FHOD1: variants seen among roughly 807,000 people sequenced by gnomAD.
The protein encoded by FHOD1 is formin homology 2 domain containing 1.
In FHOD1, 89 loss-of-function variants were observed where a neutral mutation model predicts 111.6. The observed-to-expected ratio is 0.80, with a 90% CI of 0.67 to 0.95. The LOEUF is 0.95. Among genes scored for constraint, FHOD1 ranks in the 40% least tolerant of loss-of-function variants. The pLI, the probability that FHOD1 is intolerant of heterozygous loss-of-function variation, is 0.00. For missense variants in FHOD1, 1,446 were observed against 1,554.2 expected (o/e 0.93, Z 1.17); for synonymous variants, 618 against 639.0 (o/e 0.97, Z 0.50).
At chr16:67,233,217 G>A (rs527894079) in intron 13 of FHOD1, among the ~76,000 whole-genome samples, 3 of 152,142 alleles carry the variant, frequency 2.0e-5, no homozygotes, top group African/African-American at 7.2e-5. Context: ...CTCCCGAGTA[G>A]CTGGGATTAC....
At position 67,231,382 on chromosome 16, in the gene FHOD1, T is replaced by A. The variant is rs1189162066; in HGVS notation, c.2506-33A>T. On this transcript the variant is annotated intron_variant, in intron 16 of 21. Coordinates refer to ENST00000258201, the MANE Select transcript of FHOD1 (RefSeq NM_013241.3). The surrounding 1 kb of genome is among the most constrained non-coding windows in gnomAD (Gnocchi z 4.3). The stretch of plus-strand genomic sequence containing the variant: ...GACCCTTTCTGAGCCTGGGCCTGGT[T>A]GGCTCCAGAACCCTGACTCCCCCTA... The A allele has an allele frequency of 1.9e-6, 3 of 1,613,916 alleles. No homozygotes were observed. The highest frequency in any genetic ancestry group is 2.5e-6 in the Non-Finnish European group (3 of 1,179,978).
chr16:67,245,415 G>A (rs1429529872), intron 1 of FHOD1, among the ~76,000 whole-genome samples: 1 of 152,158 alleles, frequency 6.6e-6, no homozygotes, highest in Non-Finnish European at 1.5e-5. Flanking sequence ...CCTCTTTCTT[G>A]CAGCTGACTT....
rs751687594 is a variant in FHOD1, at chr16:67,234,136, T to C, written c.1567A>G (p.Ser523Gly). The C allele has an allele frequency of 6.4e-7, 1 of 1,570,302 alleles. No homozygotes were observed. The highest frequency in any genetic ancestry group is 1.2e-5 in the South Asian group (1 of 84,240). Residue 523 changes from serine (S) to glycine (G), a missense_variant, in exon 13 of 22, where the codon AGC (serine) becomes GGC (glycine). Ser to Gly is a moderately conservative substitution (Grantham distance 56). Around this residue, in one of 3 missense-constraint regions of FHOD1, gnomAD observed 1,085 missense variants for 1,108.8 expected, o/e 0.98. Transcript: ENST00000258201. Reference sequence around the variant, plus strand: ...TCCCAGATGGGCTCAGCCTTGGGGCTTGCTGGTATCAGTGGCTCCTTGGGC... The same window carrying C: ...TCCCAGATGGGCTCAGCCTTGGGGCCTGCTGGTATCAGTGGCTCCTTGGGC... ...PEPKEPLIPA[S>G]PKAEPIWELP...
chr16:67,235,891 C>T (rs745501422), intron 11 of FHOD1: 22 of 246,428 alleles, frequency 8.9e-5, no homozygotes, highest in Non-Finnish European at 1.1e-4. Flanking sequence ...AGGCATATGT[C>T]TGGGAGAGGA....
Position 67,229,985 on chromosome 16 carries a change from C to A in FHOD1, c.3220G>T (p.Val1074Phe), listed in dbSNP as rs777000933. The change falls in exon 21 of 22, where the codon GTC becomes TTC. Residue 1074 changes from valine (V) to phenylalanine (F), a missense_variant. By Grantham distance (50) the Val-to-Phe change is conservative. Transcript: ENST00000258201. ...TTHNRRSRGM[V>F]QSSSPIMPTV... ...GGCATGATTGGGGAGCTGCTCTGGA[C>A]CATGCCTGAGGAAGGCCAGATAGCA... The A allele has an allele frequency of 3.1e-6, 5 of 1,613,818 alleles. No individual in the cohort carries two copies. In the African/African-American group the frequency reaches 6.7e-5, roughly 22 times the overall value.
At chr16:67,236,283 G>A in intron 11 of FHOD1, 1 of 970,118 alleles carries the variant, frequency 1.0e-6, no homozygotes, top group Non-Finnish European at 1.4e-6. Flanking sequence ...CAGAACAAGG[G>A]AGTGACAGAT....
Position 67,231,379 on chromosome 16 carries a change from G to A in FHOD1, c.2506-30C>T. The A allele has an allele frequency of 6.2e-7, 1 of 1,614,020 alleles. No individual in the cohort carries two copies. Among genetic ancestry groups the A allele is most frequent in the Non-Finnish European group, 8.5e-7 (1 of 1,179,976 alleles). ...AAGGACCCTTTCTGAGCCTGGGCCT[G>A]GTTGGCTCCAGAACCCTGACTCCCC... is the stretch of plus-strand genomic sequence containing the variant. On this transcript the variant is annotated intron_variant, in intron 16 of 21. Transcript: ENST00000258201. This position sits in a 1 kb window ranked among gnomAD's most constrained non-coding sequence, Gnocchi z 4.3.
chr16:67,230,021 A>C, intron 20 of FHOD1, 31 bp from the exon 21 acceptor site: 1 of 1,613,098 alleles, frequency 6.2e-7, no homozygotes, highest in Non-Finnish European at 8.5e-7. Context: ...AAGTCAGGCC[A>C]AGGTGGCACT....
At chr16:67,234,660 G>T in intron 11 of FHOD1, 188 bp from the exon 12 acceptor site, 1 of 551,594 alleles carries the variant, frequency 1.8e-6, no homozygotes. Flanking sequence ...TCCACATCTG[G>T]GGAGGATTAC....
chr16:67,230,355 A>T lies in FHOD1; in HGVS notation c.3010T>A (p.Tyr1004Asn). The T allele has an allele frequency of 6.2e-7, 1 of 1,614,218 alleles. No homozygotes were observed. The highest frequency in any genetic ancestry group is 8.5e-7 in the Non-Finnish European group (1 of 1,180,030). ...VLQQQQKQAT[Y>N]RERNKTRGRM... ...CCCCGGGTCTTGTTGCGCTCACGGT[A>T]TGTGGCCTGCTTCTGCTGCTGCTGT... Residue 1004 changes from tyrosine (Y) to asparagine (N), a missense_variant, in exon 19 of 22, where the codon TAC (tyrosine) becomes AAC (asparagine). Tyr to Asn is a moderately radical substitution (Grantham distance 143). Around this residue, in one of 3 missense-constraint regions of FHOD1, gnomAD observed 1,085 missense variants for 1,108.8 expected, o/e 0.98. Coordinates refer to ENST00000258201, the MANE Select transcript of FHOD1 (RefSeq NM_013241.3).
chr16:67,234,520 A>C (rs761757292), intron 11 of FHOD1, 48 bp from the exon 12 acceptor site: 5 of 1,494,430 alleles, frequency 3.3e-6, no homozygotes, highest in Non-Finnish European at 3.6e-6. Context: ...ACCCCAGCCC[A>C]GGTGTACATG....
rs776359178 is a variant in FHOD1 at position 67,237,434 on chromosome 16, G to C, written c.849+41C>G. 3 of 1,613,800 alleles carry C rather than the reference G, an allele frequency of 1.9e-6. No individual in the cohort carries two copies. The African/African-American group carries it at 4.0e-5, about 22-fold the overall frequency. On this transcript the variant is annotated intron_variant, in intron 8 of 21. Coordinates refer to ENST00000258201, the MANE Select transcript of FHOD1 (RefSeq NM_013241.3). This position sits in a 1 kb window ranked among gnomAD's most constrained non-coding sequence, Gnocchi z 5.6. ...GCTGAGGTTGGTGGGGAGGTCAGGA[G>C]CCTGAGCATCCCAGAGCTGGCACCC...
Position 67,234,081 on chromosome 16 carries a change from A to G in FHOD1, c.1622T>C (p.Ile541Thr), listed in dbSNP as rs771758797. The G allele has an allele frequency of 1.3e-5, 21 of 1,608,734 alleles. No individual in the cohort carries two copies. The highest frequency in any genetic ancestry group is 4.4e-5 in the South Asian group (4 of 90,716). The change falls in exon 13 of 22, where the codon ATT (isoleucine) becomes ACT (threonine). Residue 541 changes from isoleucine to threonine, a missense_variant. This residue lies in a region of FHOD1 where 1,085 missense variants were observed against 1,108.8 expected (regional missense o/e 0.98). Transcript: ENST00000258201. ...TAGATCTGAAAAGTCCAGGTCCCCA[A>G]TAGAGAGCCTGGGTGCACGGGTAGG... ...ELPTRAPRLS[I>T]GDLDFSDLGE... is the part of the protein sequence containing the mutation.
chr16:67,240,643 C>T (rs943729635), intron 1 of FHOD1, among the ~76,000 whole-genome samples: 2 of 152,274 alleles, frequency 1.3e-5, no homozygotes, highest in African/African-American at 4.8e-5. Context: ...ATGTTTCCCT[C>T]CCCGGGCTCT....
Position 67,230,676 on chromosome 16 carries a change from C to T in FHOD1, c.2783G>A (p.Arg928His), listed in dbSNP as rs781200583. 5.8e-5 allele frequency: 93 copies of T among 1,613,986 alleles called. No homozygotes were observed. The highest frequency in any genetic ancestry group is 1.7e-4 in the Middle Eastern group (1 of 6,052). ...ACACTGGTCCAGGAAGTGGGTGAGG[C>T]GGGCACGCAGGGCTGGGGCCAGCTC... ...KHELAPALRA[R>H]LTHFLDQCAR... The change falls in exon 18 of 22, where the codon CGC (arginine) becomes CAC (histidine). Residue 928 changes from arginine to histidine, a missense_variant. Arg to His is a conservative substitution (Grantham distance 29). Around this residue, in one of 3 missense-constraint regions of FHOD1, gnomAD observed 1,085 missense variants for 1,108.8 expected, o/e 0.98. Coordinates refer to ENST00000258201, the MANE Select transcript of FHOD1 (RefSeq NM_013241.3).
At chr16:67,245,924 A>G (rs2034805037) in intron 1 of FHOD1, among the ~76,000 whole-genome samples, 1 of 152,178 alleles carries the variant, frequency 6.6e-6, no homozygotes, top group African/African-American at 2.4e-5. Flanking sequence ...CCCATCCTGA[A>G]TGGGAGGTGG....
At chr16:67,245,843 T>C (rs2034800780) in intron 1 of FHOD1, among the ~76,000 whole-genome samples, 1 of 152,130 alleles carries the variant, frequency 6.6e-6, no homozygotes, top group Non-Finnish European at 1.5e-5. Context: ...CCCACCCTTA[T>C]TTCAGGATCC....
chr16:67,243,968 A>G (rs368556045), intron 1 of FHOD1, among the ~76,000 whole-genome samples: 2 of 152,050 alleles, frequency 1.3e-5, no homozygotes, highest in African/African-American at 4.8e-5. Context: ...TCATGCCCAC[A>G]CCTCAGTTTT....
Position 67,238,988 on chromosome 16 carries a change from T to G in FHOD1, c.309-21A>C, listed in dbSNP as rs778117155. 3 of 1,613,170 alleles carry G rather than the reference T, an allele frequency of 1.9e-6. No individual in the cohort carries two copies. In the Admixed American group the frequency reaches 5.0e-5, roughly 27 times the overall value. On this transcript the variant is annotated intron_variant, in intron 2 of 21. Coordinates refer to ENST00000258201, the MANE Select transcript of FHOD1 (RefSeq NM_013241.3). The surrounding 1 kb of genome is among the most constrained non-coding windows in gnomAD (Gnocchi z 4.2). ...CTTTGCTGGAATCAAGGATCTCTGT[T>G]AGCAGCTCCCAGCCTATCCCTCAGC...
Sources: allele counts gnomAD v4.1 joint callset (sites outside exome capture counted in the v4.1 genomes callset), GRCh38; gene constraint gnomAD v4.1.1; regional missense constraint gnomAD v4.1.1; non-coding constraint Gnocchi (gnomAD v3.1); transcripts MANE v1.5; gene names NCBI Gene and HGNC (gene_info 2026-07-23, HGNC 2026-07-21).